Variants in CCT3 observed in about 807,000 individuals in gnomAD.
CCT3 encodes the protein chaperonin containing TCP1 subunit 3, also known as T-complex protein 1 subunit gamma.
A neutral mutation model predicts 65.3 loss-of-function variants in CCT3; 10 were observed. The ratio of observed to expected loss-of-function variants is 0.15; its 90% confidence interval spans 0.09 to 0.26. The LOEUF (loss-of-function observed/expected upper bound fraction) is 0.26. CCT3 is among the 10% of genes least tolerant of loss of function. The probability of loss-of-function intolerance (pLI) is 1.00; values close to 1 mark genes in which losing one functional copy is unlikely to be tolerated. For synonymous variants in CCT3, 225 were observed against 242.3 expected (o/e 0.93, Z 0.66); for missense variants, 626 against 708.7 (o/e 0.88, Z 1.33).
intron 5 of CCT3, among the ~76,000 whole-genome samples, chr1:156,327,965 C>G (rs1664908121): frequency 6.8e-6 from 1 of 146,676 alleles, no homozygotes; most frequent in Non-Finnish European, 1.5e-5. Flanking sequence ...TGAGGAGACC[C>G]TCTGCCTGGC....
At chr1:156,312,488 T>C (rs1328695258) in intron 10 of CCT3, among the ~76,000 whole-genome samples, 2 of 151,998 alleles carry the variant, frequency 1.3e-5, no homozygotes, top group Admixed American at 1.3e-4. Context: ...AACAAGACTC[T>C]GTCTCTACAA....
intron 5 of CCT3, among the ~76,000 whole-genome samples, chr1:156,331,282 A>T (rs1665085660): frequency 6.6e-6 from 1 of 152,020 alleles, no homozygotes; most frequent in Non-Finnish European, 1.5e-5. Context: ...TGAGCCCAGG[A>T]GTTTGAGGCA....
At chr1:156,328,109 C>T (rs1305224909) in intron 5 of CCT3, among the ~76,000 whole-genome samples, 4 of 126,826 alleles carry the variant, frequency 3.2e-5, no homozygotes, top group South Asian at 2.8e-4. Flanking sequence ...CCGCCCCGTC[C>T]GGGAGGTGAG....
chr1:156,328,580 C>G (rs536932404), intron 5 of CCT3, among the ~76,000 whole-genome samples: 3 of 151,886 alleles, frequency 2.0e-5, no homozygotes, highest in Non-Finnish European at 2.9e-5. Context: ...CTCTCTGAAA[C>G]ATGTGCTGTG....
At chr1:156,311,628 A>G (rs1664086795) in intron 11 of CCT3, among the ~76,000 whole-genome samples, 1 of 152,188 alleles carries the variant, frequency 6.6e-6, no homozygotes, top group African/African-American at 2.4e-5. Flanking sequence ...TGCCTTTGGG[A>G]AAGTTACTTA....
Position 156,313,350 on chromosome 1 carries a change from G to GGAAAAAAAAA in CCT3, c.975-1130_975-1129insTTTTTTTTTC, listed in dbSNP as rs570894422. Among the ~76,000 whole-genome samples the GGAAAAAAAAA allele has an allele frequency of 5.5e-3, 589 of 106,476 alleles. 7 individuals are homozygous for GGAAAAAAAAA. Among genetic ancestry groups the GGAAAAAAAAA allele is most frequent in the African/African-American group, 6.8e-3 (209 of 30,754 alleles). The allele number at this position is 106,476 out of a possible 152,430, so 69.9% of individuals were successfully genotyped here. ...TAAGATTCTGTCTCAAAAAAAAAAAGAAAAAAAAAAAAAGAGAGAGAGAGA... is the reference window on the plus strand; with the variant it reads ...TAAGATTCTGTCTCAAAAAAAAAAAGGAAAAAAAAAAAAAAAAAAAAAAGAGAGAGAGAGA... On this transcript the variant is annotated intron_variant, in intron 10 of 13. Coordinates refer to ENST00000295688, the MANE Select transcript of CCT3 (RefSeq NM_005998.5).
Position 156,312,235 on chromosome 1 carries a change from G to C in CCT3, c.975-14C>G, listed in dbSNP as rs369224836. 1 of 1,610,160 alleles carries C rather than the reference G, an allele frequency of 6.2e-7. No homozygotes were observed. Among genetic ancestry groups the C allele is most frequent in the Non-Finnish European group, 8.5e-7 (1 of 1,178,146 alleles). On this transcript the variant is annotated splice_polypyrimidine_tract_variant and intron_variant, in intron 10 of 13. Coordinates refer to ENST00000295688, the MANE Select transcript of CCT3 (RefSeq NM_005998.5). ...GCCCCACAGGCTCTAATGGACGGAA[G>C]AGGTGGGGAGAATCAGATGATTTCA... is the stretch of plus-strand genomic sequence containing the variant.
At position 156,317,390 on chromosome 1, in the gene CCT3, G is replaced by C. The variant is rs745767803; in HGVS notation, c.892+25C>G. On this transcript the variant is annotated intron_variant, in intron 9 of 13. Transcript: ENST00000295688. ...CCACCCTCGTCTACCTCAAAGGTAG[G>C]CTGGAAAAAGTAACAAAGTCCCACC... 5.6e-6 allele frequency: 9 copies of C among 1,603,340 alleles called. No individual in the cohort carries two copies. The East Asian group carries it at 1.1e-4, about 20-fold the overall frequency.
At chr1:156,338,114 G>A in intron 1 of CCT3, 40 bp downstream of exon 1, 1 of 1,568,216 alleles carries the variant, frequency 6.4e-7, no homozygotes, top group Non-Finnish European at 8.6e-7. Context: ...ACAGAAGAGG[G>A]CGAAAAGGGG....
intron 7 of CCT3, among the ~76,000 whole-genome samples, chr1:156,319,846 C>T (rs1279639772): frequency 6.6e-6 from 1 of 152,128 alleles, no homozygotes; most frequent in African/African-American, 2.4e-5. Flanking sequence ...ATTTAGTGGA[C>T]AGGAGAGAAA....
intron 5 of CCT3, among the ~76,000 whole-genome samples, chr1:156,327,990 A>G (rs1664909315): frequency 7.2e-6 from 1 of 138,764 alleles, no homozygotes; most frequent in Non-Finnish European, 1.6e-5. Flanking sequence ...GCCCTGTCTG[A>G]GAAGTGAGGA....
chr1:156,322,529 G>A (rs1305330162), intron 6 of CCT3, among the ~76,000 whole-genome samples: 3 of 151,434 alleles, frequency 2.0e-5, no homozygotes, highest in Admixed American at 6.6e-5. Flanking sequence ...AGATTAAAGT[G>A]TTCTAGGTAG....
intron 4 of CCT3, among the ~76,000 whole-genome samples, chr1:156,334,391 T>C (rs758565722): frequency 2.6e-5 from 4 of 152,156 alleles, no homozygotes; most frequent in African/African-American, 4.8e-5. Context: ...CCGGTGTCCT[T>C]GTGTAAGAGA....
chr1:156,335,948 T>A, intron 1 of CCT3, 60 bp from the exon 2 acceptor site: 1 of 1,329,828 alleles, frequency 7.5e-7, no homozygotes, highest in Non-Finnish European at 1.1e-6. Context: ...CACAAGCTAT[T>A]TATTTCCCCG....
intron 7 of CCT3, among the ~76,000 whole-genome samples, chr1:156,319,823 G>C (rs1232398052): frequency 6.6e-6 from 1 of 152,100 alleles, no homozygotes; most frequent in African/African-American, 2.4e-5. Context: ...CTAAACTTTT[G>C]GATCTTAATG....
chr1:156,318,743 G>T, intron 8 of CCT3, 125 bp downstream of exon 8: 1 of 834,110 alleles, frequency 1.2e-6, no homozygotes, highest in African/African-American at 1.7e-5. Flanking sequence ...CTAAAGGATT[G>T]TTCTAAGAGT....
intron 8 of CCT3, 51 bp downstream of exon 8, chr1:156,318,817 T>C: frequency 6.3e-7 from 1 of 1,575,912 alleles, no homozygotes; most frequent in Non-Finnish European, 8.7e-7. Context: ...TTGTTCATAT[T>C]TGCAGTCAGA....
intron 13 of CCT3, among the ~76,000 whole-genome samples, chr1:156,309,819 A>G (rs1446914206): frequency 6.6e-6 from 1 of 151,688 alleles, no homozygotes; most frequent in African/African-American, 2.4e-5. Flanking sequence ...CAGGTGGATC[A>G]CAAGGTCAGG....
At chr1:156,332,087 A>C (rs796989411) in intron 5 of CCT3, among the ~76,000 whole-genome samples, 3 of 150,688 alleles carry the variant, frequency 2.0e-5, no homozygotes, top group African/African-American at 7.3e-5. Context: ...GTGCAGTGGC[A>C]CAAACACGGC....
Sources: allele counts gnomAD v4.1 joint callset (sites outside exome capture counted in the v4.1 genomes callset), GRCh38; gene constraint gnomAD v4.1.1; transcripts MANE v1.5; gene names NCBI Gene and HGNC (gene_info 2026-07-23, HGNC 2026-07-21).